Variants in MYO7B observed in about 807,000 individuals in gnomAD.
MYO7B encodes unconventional myosin-VIIb.
A neutral mutation model predicts 259.7 loss-of-function variants in MYO7B; 212 were observed. The ratio of observed to expected loss-of-function variants is 0.82; its 90% CI spans 0.73 to 0.91. The LOEUF is 0.91. MYO7B is among the 40% of genes least tolerant of loss of function. The pLI, the probability that MYO7B is intolerant of heterozygous loss-of-function variation, is 0.00. For synonymous variants in MYO7B, 1,197 were observed against 1,166.4 expected (o/e 1.03, Z -0.54); for missense variants, 2,732 against 2,813.5 (o/e 0.97, Z 0.66).
chr2:127,625,683 C>T (rs1412564036), intron 31 of MYO7B, 148 bp downstream of exon 31: 4 of 915,526 alleles, frequency 4.4e-6, no homozygotes, highest in Non-Finnish European at 6.2e-6. Flanking sequence ...TAAGTAGAGC[C>T]CTGTCCCTTC....
At chr2:127,610,534 C>G (rs1353188015) in intron 24 of MYO7B, among the ~76,000 whole-genome samples, 2 of 152,372 alleles carry the variant, frequency 1.3e-5, no homozygotes, top group East Asian at 3.9e-4. Flanking sequence ...GCTCCTGACC[C>G]ATGTTCTACC....
At chr2:127,583,999 C>A in intron 12 of MYO7B, 123 bp from the exon 13 acceptor site, 2 of 800,186 alleles carry the variant, frequency 2.5e-6, no homozygotes, top group Non-Finnish European at 4.1e-6. Context: ...ACGAGGTGTG[C>A]ATCTGTGGGC....
intron 42 of MYO7B, 66 bp from the exon 43 acceptor site, chr2:127,635,054 G>A: frequency 7.5e-7 from 1 of 1,328,922 alleles, no homozygotes; most frequent in Non-Finnish European, 1.1e-6. Context: ...TGTGGGGGGT[G>A]GCAGGGGGTC....
Position 127,630,215 on chromosome 2 carries a change from A to G in MYO7B, c.4806+389A>G, listed in dbSNP as rs1681395361. On this transcript the variant is annotated intron_variant, in intron 35 of 47. Transcript: ENST00000409816. ...GAATGGCAGGCATTGCAACATGTAC[A>G]TACTGAGTGCTGAGTATGTGCCCTG... 2.6e-5 allele frequency among the ~76,000 whole-genome samples: 4 copies of G among 152,352 alleles called. No homozygotes were observed. In the South Asian group the frequency reaches 6.2e-4, roughly 24 times the overall value.
At chr2:127,616,605 T>A (rs10928775) in intron 26 of MYO7B, among the ~76,000 whole-genome samples, 23,934 of 152,170 alleles carry the variant, frequency 0.16, 2,194 homozygotes, top group South Asian at 0.31. Context: ...TTGGCAAAGG[T>A]CCCCAGATAC....
In MYO7B at chr2:127,636,202, C is replaced by T. The variant is rs1485011547; in HGVS notation, c.6007-6C>T. On this transcript the variant is annotated splice_polypyrimidine_tract_variant and splice_region_variant and intron_variant, in intron 44 of 47. Coordinates refer to ENST00000409816, the MANE Select transcript of MYO7B (RefSeq NM_001393586.1). The surrounding 1 kb of genome is among the most constrained non-coding windows in gnomAD (Gnocchi z 4.5). ...CCAAGTCCTTACTGGCCCTCCTGTCCCCCAGAGCATCCTTCTAGCCTATGA... is the reference window on the plus strand; with the variant it reads ...CCAAGTCCTTACTGGCCCTCCTGTCTCCCAGAGCATCCTTCTAGCCTATGA... The T allele has an allele frequency of 1.9e-6, 3 of 1,608,672 alleles. No individual in the cohort carries two copies. Among genetic ancestry groups the T allele is most frequent in the Non-Finnish European group, 2.6e-6 (3 of 1,176,158 alleles).
intron 26 of MYO7B, among the ~76,000 whole-genome samples, chr2:127,617,793 C>T (rs1437142501): frequency 6.6e-6 from 1 of 151,710 alleles, no homozygotes. Context: ...TGAGCCACCG[C>T]GCCCGGCCTT....
chr2:127,566,031 A>G (rs914869491), intron 4 of MYO7B, among the ~76,000 whole-genome samples: 1 of 152,244 alleles, frequency 6.6e-6, no homozygotes, highest in Admixed American at 6.5e-5. Context: ...AGAGGAAAGC[A>G]GCTTGTGCTT....
At chr2:127,550,866 G>A (rs1693418945) in intron 1 of MYO7B, among the ~76,000 whole-genome samples, 1 of 41,574 alleles carries the variant, frequency 2.4e-5, no homozygotes, top group Admixed American at 2.6e-4. Flanking sequence ...GGATGAAGAT[G>A]TGAGGGAGGA....
At chr2:127,554,767 A>G (rs1263086321) in intron 1 of MYO7B, among the ~76,000 whole-genome samples, 2 of 151,778 alleles carry the variant, frequency 1.3e-5, no homozygotes. Context: ...GCTGCTTATT[A>G]TTGGTCTGTT....
rs374902911 is a variant in MYO7B, at chr2:127,631,620, G to A, written c.5116G>A (p.Asp1706Asn). The change falls in exon 38 of 48, where the codon GAC becomes AAC. Residue 1706 changes from aspartate (D) to asparagine (N), a missense_variant. Physicochemically the swap from Asp to Asn is conservative, Grantham distance 23 (BLOSUM62 1). Coordinates refer to ENST00000409816, the MANE Select transcript of MYO7B (RefSeq NM_001393586.1). ...CACACCCATCCTCCGGTACATGGGCGACTACCCTTCTCGGCAGGCCTGGCC... is the reference window on the plus strand; with the variant it reads ...CACACCCATCCTCCGGTACATGGGCAACTACCCTTCTCGGCAGGCCTGGCC... ...IFVAILRYMG[D>N]YPSRQAWPTL... The A allele has an allele frequency of 3.5e-5, 56 of 1,613,048 alleles. No homozygotes were observed. Among genetic ancestry groups the A allele is most frequent in the Middle Eastern group, 1.6e-4 (1 of 6,082 alleles).
Position 127,636,340 on chromosome 2 carries a change from C to G in MYO7B, c.6123+16C>G. On this transcript the variant is annotated intron_variant, in intron 45 of 47. Transcript: ENST00000409816. This position sits in a 1 kb window ranked among gnomAD's most constrained non-coding sequence, Gnocchi z 4.5. ...CGAGGTGAAGGTAAACCTTGCCCCA[C>G]GCCAGGGCCTCCTACCCAAGCAGGC... 6.2e-7 allele frequency: 1 copy of G among 1,602,876 alleles called. No individual in the cohort carries two copies. The highest frequency in any genetic ancestry group is 8.5e-7 in the Non-Finnish European group (1 of 1,170,914).
chr2:127,620,299 CCAG>C, intron 26 of MYO7B, 38 bp from the exon 27 acceptor site: 1 of 1,573,658 alleles, frequency 6.4e-7, no homozygotes, highest in Non-Finnish European at 8.7e-7. Flanking sequence ...CTCTCCTCCT[CCAG>C]CCCCCAGCCT....
chr2:127,587,307 C>T lies in MYO7B; in HGVS notation c.1691-1085C>T, dbSNP rs568483013. Among the ~76,000 whole-genome samples, 5 of 152,272 alleles carry T rather than the reference C, an allele frequency of 3.3e-5. No homozygotes were observed. The South Asian group carries it at 1.0e-3, about 32-fold the overall frequency. ...CATGGCCGGAGGGGAGACATGGGATCTTCTCACCCGCTGGAGCCATGCCTG... is the reference window on the plus strand; with the variant it reads ...CATGGCCGGAGGGGAGACATGGGATTTTCTCACCCGCTGGAGCCATGCCTG... On this transcript the variant is annotated intron_variant, in intron 14 of 47. Transcript: ENST00000409816.
At chr2:127,608,487 G>A (rs867413348) in intron 21 of MYO7B, among the ~76,000 whole-genome samples, 3 of 152,230 alleles carry the variant, frequency 2.0e-5, no homozygotes, top group Admixed American at 1.3e-4. Flanking sequence ...CCTCTCCAGA[G>A]CTCTGATTAT....
In MYO7B at chr2:127,539,609, C is replaced by T. The variant is rs1692924693; in HGVS notation, c.-24+3778C>T. Among the ~76,000 whole-genome samples, 1 of 152,146 alleles carries T rather than the reference C, an allele frequency of 6.6e-6. No homozygotes were observed. The highest frequency in any genetic ancestry group is 2.1e-4 in the South Asian group (1 of 4,824). On this transcript the variant is annotated intron_variant, in intron 1 of 47. Transcript: ENST00000409816. This position sits in a 1 kb window ranked among gnomAD's most constrained non-coding sequence, Gnocchi z 4.0. ...AGGGAGGGCACCTCACGGGCTATCT[C>T]AGCATGAAGGGGGCTTCTCAAGGAC...
chr2:127,576,668 T>C lies in MYO7B; in HGVS notation c.809T>C (p.Leu270Pro), dbSNP rs1678879971. 2.5e-6 allele frequency: 4 copies of C among 1,611,958 alleles called. No individual in the cohort carries two copies. Among genetic ancestry groups the C allele is most frequent in the Non-Finnish European group, 2.5e-6 (3 of 1,178,644 alleles). Residue 270 changes from leucine (L) to proline (P), a missense_variant, in exon 8 of 48, where the codon CTG (leucine) becomes CCG (proline). Transcript: ENST00000409816. The surrounding 1 kb of genome is among the most constrained non-coding windows in gnomAD (Gnocchi z 4.9). ...GTGAGTGCTGAGGACAAGCAGCTGC[T>C]GAGCCTGGGCACGCCCTCCGAGTAC... ...MGVSAEDKQLLSLGTPSEYHY... is the reference protein window; with the variant it reads ...MGVSAEDKQLPSLGTPSEYHY...
rs761624166 is a variant in MYO7B, at chr2:127,628,459, G to A, written c.4548G>A (p.Glu1516=). 2.1e-4 allele frequency: 328 copies of A among 1,577,072 alleles called. 5 individuals carry two copies. The highest frequency in any genetic ancestry group is 1.7e-4 in the Middle Eastern group (1 of 6,030). ...FVSPSSVAIA[E]LVALFLEGLK... ...CACCCAGCAGTGTGGCCATCGCTGA[G>A]CTGGTGGCCCTGTTCCTGGAGGGCC... Residue 1516 remains glutamate, a synonymous_variant, in exon 34 of 48, where the codon GAG becomes GAA. Transcript: ENST00000409816. This position sits in a 1 kb window ranked among gnomAD's most constrained non-coding sequence, Gnocchi z 4.8.
At chr2:127,580,689 C>A in intron 9 of MYO7B, 57 bp from the exon 10 acceptor site, 2 of 1,536,296 alleles carry the variant, frequency 1.3e-6, no homozygotes, top group East Asian at 4.7e-5. Flanking sequence ...CAGTCGGGAC[C>A]TTGCTCCCAT....
Sources: gnomAD v4.1 joint callset for allele counts (sites outside exome capture counted in the v4.1 genomes callset) on GRCh38, gnomAD v4.1.1 for gene constraint, Gnocchi (gnomAD v3.1) non-coding constraint, MANE v1.5 for transcripts, NCBI Gene and HGNC (gene_info 2026-07-23, HGNC 2026-07-21) for gene names.